The following SKAP1 variants were observed in gnomAD, a reference collection of about 807,000 sequenced individuals.
The protein encoded by SKAP1 is src kinase associated phosphoprotein 1.
A neutral mutation model predicts 58.5 loss-of-function variants in SKAP1; 44 were observed. The ratio of observed to expected loss-of-function variants is 0.75; its 90% CI spans 0.59 to 0.97. SKAP1 has a LOEUF of 0.97. SKAP1 is among the 50% of genes least tolerant of loss of function. SKAP1 has a pLI of 0.00. For missense variants in SKAP1, 390 were observed against 435.2 expected (o/e 0.90, Z 0.92); for synonymous variants, 127 against 149.7 (o/e 0.85, Z 1.11).
intron 2 of SKAP1, 26 bp from the exon 3 acceptor site, chr17:48,363,840 G>A: frequency 1.3e-6 from 2 of 1,595,856 alleles, no homozygotes; most frequent in Non-Finnish European, 1.7e-6. Context: ...GAAAAAAAAA[G>A]GGAATAAGTC....
intron 4 of SKAP1, among the ~76,000 whole-genome samples, chr17:48,225,133 A>G (rs1424575979): frequency 1.3e-5 from 2 of 152,194 alleles, no homozygotes; most frequent in Non-Finnish European, 2.9e-5. Flanking sequence ...CAAATTCTCT[A>G]AAGTAAAGTA....
chr17:48,388,545 T>C (rs1472229474), intron 2 of SKAP1, among the ~76,000 whole-genome samples: 3 of 152,206 alleles, frequency 2.0e-5, no homozygotes, highest in Non-Finnish European at 2.9e-5. Flanking sequence ...CTAGTGGATA[T>C]ATGCTGTGAT....
chr17:48,333,594 T>C (rs1414327887), intron 4 of SKAP1, among the ~76,000 whole-genome samples: 2 of 152,132 alleles, frequency 1.3e-5, no homozygotes, highest in Non-Finnish European at 2.9e-5. Context: ...AAAATGTTTT[T>C]CTGCTGGTAA....
chr17:48,320,023 T>TA (rs1277544838), intron 4 of SKAP1, among the ~76,000 whole-genome samples: 1 of 151,924 alleles, frequency 6.6e-6, no homozygotes, highest in Non-Finnish European at 1.5e-5. Context: ...ATCCAAAGGT[T>TA]AAAAAAACCC....
chr17:48,405,392 C>CCTTTCTTTCTTTCTTTCTTT (rs376278484), intron 1 of SKAP1, among the ~76,000 whole-genome samples: 1 of 107,310 alleles, frequency 9.3e-6, no homozygotes, highest in Non-Finnish European at 1.9e-5. Flanking sequence ...TTTTCTCTTT[C>CCTTTCTTTCTTTCTTTCTTT]CTTTCTTTCT....
chr17:48,421,067 T>C (rs1484898990), intron 1 of SKAP1, among the ~76,000 whole-genome samples: 1 of 152,074 alleles, frequency 6.6e-6, no homozygotes, highest in Non-Finnish European at 1.5e-5. Context: ...TCTTTGAGAA[T>C]CACCCTGATC....
At chr17:48,212,758 A>T (rs2064889373) in intron 4 of SKAP1, among the ~76,000 whole-genome samples, 1 of 152,204 alleles carries the variant, frequency 6.6e-6, no homozygotes, top group East Asian at 1.9e-4. Context: ...ATCTCCCTAA[A>T]TCATGCAATA....
chr17:48,238,193 C>A (rs1162362386), intron 4 of SKAP1, among the ~76,000 whole-genome samples: 1 of 151,952 alleles, frequency 6.6e-6, no homozygotes, highest in Admixed American at 6.6e-5. Flanking sequence ...ATGGTTTCAC[C>A]ATATTGGCCA....
chr17:48,428,906 C>T (rs1005363618), intron 1 of SKAP1, among the ~76,000 whole-genome samples: 3 of 151,970 alleles, frequency 2.0e-5, no homozygotes, highest in Non-Finnish European at 4.4e-5. Flanking sequence ...ATTTTGGAAA[C>T]CTCACCTCAA....
At chr17:48,414,939 G>A (rs1159828388) in intron 1 of SKAP1, among the ~76,000 whole-genome samples, 1 of 152,058 alleles carries the variant, frequency 6.6e-6, no homozygotes, top group Non-Finnish European at 1.5e-5. Flanking sequence ...ACATCTTATG[G>A]GTCATATTTT....
At chr17:48,198,122 G>A (rs969341489) in intron 4 of SKAP1, among the ~76,000 whole-genome samples, 6 of 152,158 alleles carry the variant, frequency 3.9e-5, no homozygotes, top group Non-Finnish European at 2.9e-5. Context: ...ACTTTGATCA[G>A]TTAAAGGACA....
chr17:48,445,061 T>C, the SKAP1 span, among the ~76,000 whole-genome samples: 5 of 152,086 alleles, frequency 3.3e-5, no homozygotes, highest in Non-Finnish European at 7.4e-5. Context: ...AGACTGTCAC[T>C]GGCAAAATGA....
intron 11 of SKAP1, among the ~76,000 whole-genome samples, chr17:48,159,430 A>G (rs181409986): frequency 1.3e-5 from 2 of 152,334 alleles, no homozygotes; most frequent in East Asian, 3.9e-4. Flanking sequence ...CTAGATTCCT[A>G]AACAGCAGGC....
intron 4 of SKAP1, among the ~76,000 whole-genome samples, chr17:48,326,678 G>A (rs759471665): frequency 6.6e-6 from 1 of 152,102 alleles, no homozygotes; most frequent in African/African-American, 2.4e-5. Flanking sequence ...AGAATTCAGA[G>A]CAGGACATTA....
At chr17:48,425,663 A>C in intron 1 of SKAP1, among the ~76,000 whole-genome samples, 1 of 152,226 alleles carries the variant, frequency 6.6e-6, no homozygotes, top group East Asian at 1.9e-4. Flanking sequence ...TACTTTGTTC[A>C]TCAAGAAAGC....
At chr17:48,400,591 A>T (rs2067487200) in intron 1 of SKAP1, among the ~76,000 whole-genome samples, 1 of 151,908 alleles carries the variant, frequency 6.6e-6, no homozygotes, top group Admixed American at 6.6e-5. Flanking sequence ...CTCTACAAAA[A>T]ATACAAAAAT....
Position 48,136,714 on chromosome 17 carries a change from G to T in SKAP1, c.*7+515C>A, listed in dbSNP as rs557214099. Among the ~76,000 whole-genome samples the T allele has an allele frequency of 2.8e-5, 4 of 140,412 alleles. No individual in the cohort carries two copies. In the East Asian group the frequency reaches 6.1e-4, roughly 22 times the overall value. 92.1% of individuals were successfully genotyped at this position (140,412 alleles called of 152,430 possible). On this transcript the variant is annotated intron_variant, in intron 12 of 12. Coordinates refer to ENST00000336915, the MANE Select transcript of SKAP1 (RefSeq NM_003726.4). ...TTTTGAGACGGAGTCTCACTCTGTT[G>T]CCCAGGCTGGAGTCCAGTGGTGTGA...
intron 4 of SKAP1, among the ~76,000 whole-genome samples, chr17:48,342,615 G>C (rs774594232): frequency 6.6e-6 from 1 of 152,146 alleles, no homozygotes; most frequent in Non-Finnish European, 1.5e-5. Context: ...ATAATGGCAA[G>C]TCTAGGATAC....
At chr17:48,272,186 T>C (rs1356220139) in intron 4 of SKAP1, among the ~76,000 whole-genome samples, 2 of 151,412 alleles carry the variant, frequency 1.3e-5, no homozygotes, top group African/African-American at 4.9e-5. Context: ...TAGGATGGAG[T>C]GCAGTGGTGC....
Sources: gnomAD v4.1 joint callset for allele counts (sites outside exome capture counted in the v4.1 genomes callset) on GRCh38, gnomAD v4.1.1 for gene constraint, MANE v1.5 for transcripts, NCBI Gene and HGNC (gene_info 2026-07-23, HGNC 2026-07-21) for gene names.